RAB38: variants seen among roughly 807,000 people sequenced by gnomAD.
RAB38 encodes the protein RAB38, member RAS oncogene family.
In RAB38, 15 loss-of-function variants were observed where a neutral mutation model predicts 18.4. The observed-to-expected ratio is 0.82, with a 90% CI of 0.55 to 1.26. RAB38 has a LOEUF of 1.26. RAB38 is among the 50% of genes most tolerant of loss of function. The probability of loss-of-function intolerance (pLI) is 0.00; values close to 1 mark genes in which losing one functional copy is unlikely to be tolerated. For missense variants in RAB38, 294 were observed against 267.4 expected, an observed-to-expected ratio of 1.10 and a Z score of -0.69; for synonymous variants, 101 against 104.4, an observed-to-expected ratio of 0.97 and a Z score of 0.20.
At chr11:88,147,440 A>G (rs1943002845) in intron 2 of RAB38, among the ~76,000 whole-genome samples, 1 of 152,116 alleles carries the variant, frequency 6.6e-6, no homozygotes, top group Non-Finnish European at 1.5e-5. Flanking sequence ...TTGTGCCTGG[A>G]GGCTTCTGAG....
the RAB38 span, among the ~76,000 whole-genome samples, chr11:87,953,372 A>C: frequency 6.6e-6 from 1 of 151,738 alleles, no homozygotes; most frequent in Non-Finnish European, 1.5e-5. Flanking sequence ...TTAGTCATAA[A>C]ACAAGTGCCT....
At chr11:88,105,425 A>G in the RAB38 span, among the ~76,000 whole-genome samples, 1 of 152,160 alleles carries the variant, frequency 6.6e-6, no homozygotes, top group African/African-American at 2.4e-5. Flanking sequence ...AGTTATAGAA[A>G]AATCAATGCA....
chr11:88,142,837 G>C (rs1942933449), intron 2 of RAB38, among the ~76,000 whole-genome samples: 1 of 152,202 alleles, frequency 6.6e-6, no homozygotes, highest in Admixed American at 6.5e-5. Context: ...GTATATGTGA[G>C]AAAAGGCCTT....
At chr11:88,023,372 C>A in the RAB38 span, among the ~76,000 whole-genome samples, 1 of 148,848 alleles carries the variant, frequency 6.7e-6, no homozygotes, top group African/African-American at 2.5e-5. Context: ...AAAAAAAAAA[C>A]CTACAAAACA....
the RAB38 span, among the ~76,000 whole-genome samples, chr11:87,945,123 T>G: frequency 6.6e-6 from 1 of 152,162 alleles, no homozygotes; most frequent in Non-Finnish European, 1.5e-5. Flanking sequence ...GATATAAAAC[T>G]AGAATAATAC....
chr11:87,932,527 A>C, the RAB38 span, among the ~76,000 whole-genome samples: 1 of 152,028 alleles, frequency 6.6e-6, no homozygotes, highest in Non-Finnish European at 1.5e-5. Flanking sequence ...CATCTCACCA[A>C]ATCTCTTCTG....
chr11:88,171,980 A>G (rs1943316416), intron 1 of RAB38, among the ~76,000 whole-genome samples: 1 of 152,232 alleles, frequency 6.6e-6, no homozygotes, highest in South Asian at 2.1e-4. Flanking sequence ...AATACCAAAA[A>G]TCCAGTTAGA....
the RAB38 span, among the ~76,000 whole-genome samples, chr11:88,067,351 G>GAAAAAAAAAA: frequency 7.7e-6 from 1 of 130,072 alleles, no homozygotes; most frequent in African/African-American, 2.8e-5. Context: ...TTTAGCAAAT[G>GAAAAAAAAAA]AAAAAAAAAA....
intron 2 of RAB38, among the ~76,000 whole-genome samples, chr11:88,130,940 T>C (rs1002719132): frequency 2.0e-5 from 3 of 152,172 alleles, no homozygotes; most frequent in African/African-American, 7.2e-5. Context: ...TGTTGGTAAG[T>C]ATAAATTAGT....
At chr11:87,910,643 T>C in the RAB38 span, among the ~76,000 whole-genome samples, 1 of 18,370 alleles carries the variant, frequency 5.4e-5, no homozygotes, top group African/African-American at 7.7e-5. Flanking sequence ...CTTTTTTTTT[T>C]TTTTTTTTTT....
the RAB38 span, among the ~76,000 whole-genome samples, chr11:87,911,468 A>AT: frequency 5.9e-5 from 9 of 152,068 alleles, no homozygotes; most frequent in South Asian, 1.9e-3. Flanking sequence ...TATTGTCTTT[A>AT]TTTTATAAGA....
the RAB38 span, among the ~76,000 whole-genome samples, chr11:88,105,390 T>C: frequency 2.1e-3 from 317 of 152,252 alleles, no homozygotes; most frequent in African/African-American, 7.2e-3. Flanking sequence ...TACAAATCTA[T>C]GGCTATATTA....
the RAB38 span, among the ~76,000 whole-genome samples, chr11:87,977,762 A>C: frequency 1.5e-3 from 168 of 114,018 alleles, 1 homozygote; most frequent in African/African-American, 5.6e-3. Context: ...TATATATATT[A>C]TATTATAGTT....
At chr11:88,026,593 A>C in the RAB38 span, among the ~76,000 whole-genome samples, 1 of 150,662 alleles carries the variant, frequency 6.6e-6, no homozygotes, top group Non-Finnish European at 1.5e-5. Context: ...AAAAAGGAAA[A>C]GAAATGAAAC....
the RAB38 span, among the ~76,000 whole-genome samples, chr11:87,853,284 G>A: frequency 6.6e-6 from 1 of 152,298 alleles, no homozygotes; most frequent in African/African-American, 2.4e-5. Context: ...TAGAGGTGGA[G>A]CCTTTGGGAG....
intron 2 of RAB38, among the ~76,000 whole-genome samples, chr11:88,124,784 G>C (rs1942673522): frequency 6.6e-6 from 1 of 152,062 alleles, no homozygotes; most frequent in African/African-American, 2.4e-5. Flanking sequence ...ATTAAAAAGA[G>C]GAGATACATC....
At chr11:87,809,844 T>C in the RAB38 span, among the ~76,000 whole-genome samples, 1 of 152,226 alleles carries the variant, frequency 6.6e-6, no homozygotes, top group Non-Finnish European at 1.5e-5. Flanking sequence ...TGATAGTTTC[T>C]TTTTTCAAGT....
the RAB38 span, among the ~76,000 whole-genome samples, chr11:88,079,059 AACC>A: frequency 6.6e-6 from 1 of 151,836 alleles, no homozygotes; most frequent in East Asian, 1.9e-4. Flanking sequence ...GAGCAAACGA[AACC>A]TAAAGTGGGC....
At chr11:88,043,427 C>T in the RAB38 span, among the ~76,000 whole-genome samples, 424 of 152,202 alleles carry the variant, frequency 2.8e-3, 1 homozygote, top group Non-Finnish European at 3.8e-3. Context: ...CCTCTGAGCC[C>T]AAGCTAAGCC....
Sources: gnomAD v4.1 joint callset for allele counts (sites outside exome capture counted in the v4.1 genomes callset) on GRCh38, gnomAD v4.1.1 for gene constraint, MANE v1.5 for transcripts, NCBI Gene and HGNC (gene_info 2026-07-23, HGNC 2026-07-21) for gene names.